Variants in SMTNL2 observed in about 807,000 individuals in gnomAD.
SMTNL2 encodes smoothelin-like protein 2.
SMTNL2 carries 43 observed loss-of-function variants against 44.1 expected under a neutral mutation model. The observed-to-expected ratio is 0.98, with a 90% CI of 0.76 to 1.26. The LOEUF is 1.26. SMTNL2 is among the 50% of genes most tolerant of loss of function. The probability of loss-of-function intolerance (pLI) is 0.00; values close to 1 mark genes in which losing one functional copy is unlikely to be tolerated. For synonymous variants in SMTNL2, 317 were observed against 287.6 expected (o/e 1.10, Z -1.03); for missense variants, 646 against 670.2 (o/e 0.96, Z 0.40).
In SMTNL2 at chr17:4,608,296, A is replaced by T. The variant is rs528951838; in HGVS notation, c.*809A>T. ...CTCTGTACCACTGACCCATTTATAC[A>T]TAAAAAAGATGTGTTGAATTTTGCT... is the stretch of plus-strand genomic sequence containing the variant. On this transcript the variant is annotated 3_prime_UTR_variant, in exon 8 of 8. Transcript: ENST00000389313. 2 of 152,280 alleles carry T rather than the reference A, an allele frequency of 1.3e-5. No individual in the cohort carries two copies. Among genetic ancestry groups the T allele is most frequent in the South Asian group, 2.1e-4 (1 of 4,832 alleles). 9.4% of individuals were successfully genotyped at this position (152,280 alleles called of 1,614,324 possible). A position where few individuals can be genotyped will look rare whatever the true frequency, so the allele number is the denominator to read the frequency against.
chr17:4,593,991 T>C, intron 4 of SMTNL2, 94 bp downstream of exon 4: 2 of 1,353,136 alleles, frequency 1.5e-6, no homozygotes, highest in Admixed American at 1.8e-5. Context: ...CTGGGGTTGG[T>C]GCCTCCTGGT....
Position 4,607,257 on chromosome 17 carries a change from T to C in SMTNL2, c.1260-104T>C. ...TGGTGGGTCCTTGGGAACCTCTGGC[T>C]GCCGGCTGAGCTCTGTTCCCGGGAC... On this transcript the variant is annotated intron_variant, in intron 7 of 7. Transcript: ENST00000389313. The surrounding 1 kb of genome is among the most constrained non-coding windows in gnomAD (Gnocchi z 4.7). The C allele has an allele frequency of 2.6e-6, 4 of 1,555,628 alleles. No individual in the cohort carries two copies. The highest frequency in any genetic ancestry group is 3.5e-6 in the Non-Finnish European group (4 of 1,147,918).
At chr17:4,606,262 C>T (rs912470705) in intron 7 of SMTNL2, among the ~76,000 whole-genome samples, 2 of 152,034 alleles carry the variant, frequency 1.3e-5, no homozygotes, top group Non-Finnish European at 2.9e-5. Context: ...GCTGGGACTA[C>T]AGGCACACGC....
At position 4,595,227 on chromosome 17, in the gene SMTNL2, C is replaced by T. The variant is rs142209104; in HGVS notation, c.889C>T (p.Arg297Cys). The change falls in exon 5 of 8, where the codon CGC becomes TGC. Residue 297 changes from arginine to cysteine, a missense_variant. By Grantham distance (180) the Arg-to-Cys change is radical. Transcript: ENST00000389313. This position sits in a 1 kb window ranked among gnomAD's most constrained non-coding sequence, Gnocchi z 5.1. ...TCAGGTCCATCGGCAGGGGGAGCGTCGCAGGGAGCTGGTGAGGTCGCAGAC... is the reference window on the plus strand; with the variant it reads ...TCAGGTCCATCGGCAGGGGGAGCGTTGCAGGGAGCTGGTGAGGTCGCAGAC... ...ITQVHRQGERRRELVRSQTLP... is the reference protein window; with the variant it reads ...ITQVHRQGERCRELVRSQTLP... 48 of 1,613,238 alleles carry T rather than the reference C, an allele frequency of 3.0e-5. No individual in the cohort carries two copies. In the South Asian group the frequency reaches 3.5e-4, roughly 12 times the overall value.
In SMTNL2 at chr17:4,598,948, C is replaced by T. The variant is rs1909924041; in HGVS notation, c.1259+1625C>T. Among the ~76,000 whole-genome samples, 1 of 152,184 alleles carries T rather than the reference C, an allele frequency of 6.6e-6. No individual in the cohort carries two copies. The highest frequency in any genetic ancestry group is 1.5e-5 in the Non-Finnish European group (1 of 68,032). On this transcript the variant is annotated intron_variant, in intron 7 of 7. Transcript: ENST00000389313. The surrounding 1 kb of genome is among the most constrained non-coding windows in gnomAD (Gnocchi z 4.8). ...CAACCACCTGGCCCCGGCCCCAGCC[C>T]CGGCCCTGGCCCACCACCCCGGCCC... is the stretch of plus-strand genomic sequence containing the variant.
rs115295089 is a variant in SMTNL2 at position 4,600,069 on chromosome 17, G to A, written c.1259+2746G>A. Among the ~76,000 whole-genome samples the A allele has an allele frequency of 4.6e-3, 707 of 152,278 alleles. 5 individuals carry two copies. Among genetic ancestry groups the A allele is most frequent in the African/African-American group, 0.016 (660 of 41,530 alleles). On this transcript the variant is annotated intron_variant, in intron 7 of 7. Transcript: ENST00000389313. The surrounding 1 kb of genome is among the most constrained non-coding windows in gnomAD (Gnocchi z 4.7). Reference sequence around the variant, plus strand: ...GGGGGGTCGGGGGAGTTTGCTCAGAGCCTGGGAAGAGGCCTCCCCTCATGA... The same window carrying A: ...GGGGGGTCGGGGGAGTTTGCTCAGAACCTGGGAAGAGGCCTCCCCTCATGA...
At chr17:4,606,447 A>G (rs1044699071) in intron 7 of SMTNL2, among the ~76,000 whole-genome samples, 9 of 151,150 alleles carry the variant, frequency 6.0e-5, no homozygotes, top group African/African-American at 1.7e-4. Flanking sequence ...TAACTTAAAT[A>G]TAGTTTCACT....
In SMTNL2 at chr17:4,607,539, C is replaced by T. The variant is rs1910331260; in HGVS notation, c.*52C>T. Reference sequence around the variant, plus strand: ...GCAGCCCCAGGAAGAGGCCGGGGGTCCGCTTGCGATTCCCCAGCCAGGATG... The same window carrying T: ...GCAGCCCCAGGAAGAGGCCGGGGGTTCGCTTGCGATTCCCCAGCCAGGATG... On this transcript the variant is annotated 3_prime_UTR_variant, in exon 8 of 8. Coordinates refer to ENST00000389313, the MANE Select transcript of SMTNL2 (RefSeq NM_001114974.2). This position sits in a 1 kb window ranked among gnomAD's most constrained non-coding sequence, Gnocchi z 4.7. 4.4e-6 allele frequency: 7 copies of T among 1,591,310 alleles called. No homozygotes were observed. The highest frequency in any genetic ancestry group is 6.0e-6 in the Non-Finnish European group (7 of 1,164,500).
intron 7 of SMTNL2, 28 bp downstream of exon 7, chr17:4,597,351 C>G (rs939361444): frequency 6.2e-7 from 1 of 1,608,662 alleles, no homozygotes; most frequent in African/African-American, 1.3e-5. Context: ...TGCTGGCTAC[C>G]AGCCCCAGCC....
At chr17:4,585,801 T>C (rs898964438) in intron 1 of SMTNL2, among the ~76,000 whole-genome samples, 1 of 152,214 alleles carries the variant, frequency 6.6e-6, no homozygotes, top group African/African-American at 2.4e-5. Flanking sequence ...GATCTGGGGC[T>C]GTGTAGCCTG....
chr17:4,601,816 G>C (rs951748795), intron 7 of SMTNL2, among the ~76,000 whole-genome samples: 4 of 151,856 alleles, frequency 2.6e-5, no homozygotes, highest in Non-Finnish European at 4.4e-5. Flanking sequence ...CACCGCACTT[G>C]GCCTGTTTGA....
At chr17:4,594,413 C>T (rs1909714811) in intron 4 of SMTNL2, among the ~76,000 whole-genome samples, 1 of 151,976 alleles carries the variant, frequency 6.6e-6, no homozygotes, top group Admixed American at 6.6e-5. Context: ...GGTGCCACTG[C>T]TCTCCAGCCT....
In SMTNL2 at chr17:4,595,067, T is replaced by C; in HGVS notation, c.807-78T>C. On this transcript the variant is annotated intron_variant, in intron 4 of 7. Coordinates refer to ENST00000389313, the MANE Select transcript of SMTNL2 (RefSeq NM_001114974.2). The surrounding 1 kb of genome is among the most constrained non-coding windows in gnomAD (Gnocchi z 5.1). ...TGCAGGCTGCCTTGTCCACACTCAGTGCAATGGAGACCTTGGGGCCTGGTG... is the reference window on the plus strand; with the variant it reads ...TGCAGGCTGCCTTGTCCACACTCAGCGCAATGGAGACCTTGGGGCCTGGTG... The C allele has an allele frequency of 6.3e-7, 1 of 1,594,794 alleles. No homozygotes were observed. The highest frequency in any genetic ancestry group is 2.2e-5 in the East Asian group (1 of 44,730).
In SMTNL2 at chr17:4,597,265, A is replaced by C. The variant is rs1185290410; in HGVS notation, c.1201A>C (p.Asn401His). ...HSFFPDAFDY[N>H]SLSPTQRQKN... ...CTTCTTCCCCGATGCCTTTGACTAC[A>C]ACTCCCTGAGCCCCACGCAGAGGCA... The change falls in exon 7 of 8, where the codon AAC (asparagine) becomes CAC (histidine). Residue 401 changes from asparagine (N) to histidine (H), a missense_variant. Transcript: ENST00000389313. The C allele has an allele frequency of 6.2e-6, 10 of 1,613,992 alleles. No homozygotes were observed. The highest frequency in any genetic ancestry group is 8.5e-6 in the Non-Finnish European group (10 of 1,180,006).
At chr17:4,593,376 T>C (rs1411947193) in intron 3 of SMTNL2, among the ~76,000 whole-genome samples, 3 of 152,212 alleles carry the variant, frequency 2.0e-5, no homozygotes, top group Non-Finnish European at 4.4e-5. Context: ...CGTCATCCCC[T>C]GGTGGGGGCG....
In SMTNL2 at chr17:4,607,626, T is replaced by C; in HGVS notation, c.*139T>C. The stretch of plus-strand genomic sequence containing the variant: ...TTTGTTCTGTGGCATGTGACGGCAC[T>C]CCCCTTCGAGCCCAGCTGTGTTACT... On this transcript the variant is annotated 3_prime_UTR_variant, in exon 8 of 8. Transcript: ENST00000389313. This position sits in a 1 kb window ranked among gnomAD's most constrained non-coding sequence, Gnocchi z 4.7. 6 of 1,342,388 alleles carry C rather than the reference T, an allele frequency of 4.5e-6. No homozygotes were observed. In the South Asian group the frequency reaches 7.1e-5, roughly 16 times the overall value. The allele number at this position is 1,342,388 out of a possible 1,614,324, so 83.2% of individuals were successfully genotyped here.
At chr17:4,596,730 TC>T in intron 5 of SMTNL2, 129 bp from the exon 6 acceptor site, 1 of 729,116 alleles carries the variant, frequency 1.4e-6, no homozygotes, top group Non-Finnish European at 2.1e-6. Flanking sequence ...CACCAGCATC[TC>T]CCCTGGGTGA....
chr17:4,603,905 C>T (rs1183272704), intron 7 of SMTNL2, among the ~76,000 whole-genome samples: 1 of 152,240 alleles, frequency 6.6e-6, no homozygotes, highest in South Asian at 2.1e-4. Flanking sequence ...AGTGCAGTGG[C>T]ATGATCTTGG....
In SMTNL2 at chr17:4,593,186, G is replaced by T. The variant is rs1192878402; in HGVS notation, c.730+15G>T. On this transcript the variant is annotated intron_variant, in intron 3 of 7. Coordinates refer to ENST00000389313, the MANE Select transcript of SMTNL2 (RefSeq NM_001114974.2). ...CAGTCCTAGCGGTATGAGCTGGAGA[G>T]CGTGGCCTTGGGGCAGACCTCCCCT... 2.3e-5 allele frequency: 36 copies of T among 1,568,990 alleles called. No homozygotes were observed. Among genetic ancestry groups the T allele is most frequent in the Non-Finnish European group, 2.9e-5 (33 of 1,151,530 alleles).
Sources: gnomAD v4.1 joint callset for allele counts (sites outside exome capture counted in the v4.1 genomes callset) on GRCh38, gnomAD v4.1.1 for gene constraint, Gnocchi (gnomAD v3.1) non-coding constraint, MANE v1.5 for transcripts, NCBI Gene and HGNC (gene_info 2026-07-23, HGNC 2026-07-21) for gene names.